IMMP2L: variants seen among roughly 807,000 people sequenced by gnomAD.
The protein encoded by IMMP2L is mitochondrial inner membrane protease subunit 2.
IMMP2L carries 18 observed loss-of-function variants against 19.3 expected under a neutral mutation model. The observed-to-expected ratio is 0.93, with a 90% CI of 0.64 to 1.38. IMMP2L has a LOEUF of 1.38. IMMP2L is among the 40% of genes most tolerant of loss of function. IMMP2L has a pLI of 0.00. For synonymous variants in IMMP2L, 76 were observed against 73.0 expected, an observed-to-expected ratio of 1.04 and a Z score of -0.21; for missense variants, 233 against 218.2, an observed-to-expected ratio of 1.07 and a Z score of -0.43.
At chr7:111,010,265 A>G (rs13227547) in intron 3 of IMMP2L, among the ~76,000 whole-genome samples, 1 of 152,188 alleles carries the variant, frequency 6.6e-6, no homozygotes, top group African/African-American at 2.4e-5. Context: ...GCTTTCATTA[A>G]CAAATGTTAA....
chr7:110,664,478 G>C (rs1791305994), intron 5 of IMMP2L, among the ~76,000 whole-genome samples: 1 of 152,164 alleles, frequency 6.6e-6, no homozygotes, highest in Admixed American at 6.5e-5. Flanking sequence ...GGAGAGCAGA[G>C]ATTGGCGAGG....
At chr7:111,048,183 T>G (rs1276812796) in intron 3 of IMMP2L, among the ~76,000 whole-genome samples, 1 of 125,466 alleles carries the variant, frequency 8.0e-6, no homozygotes, top group African/African-American at 3.2e-5. Context: ...GAGCTTGCAC[T>G]GAGCCGAGAT....
chr7:111,025,607 AT>A (rs1826726002), intron 3 of IMMP2L, among the ~76,000 whole-genome samples: 1 of 152,170 alleles, frequency 6.6e-6, no homozygotes, highest in Non-Finnish European at 1.5e-5. Context: ...TGTAGTTTTC[AT>A]TCCACCATGT....
chr7:111,119,958 G>C (rs1041136221), intron 3 of IMMP2L, among the ~76,000 whole-genome samples: 3 of 152,136 alleles, frequency 2.0e-5, no homozygotes, highest in Admixed American at 6.6e-5. Context: ...GGAGATTCTT[G>C]AACTGAGGTT....
Position 111,251,366 on chromosome 7 carries a change from C to G in IMMP2L, c.239+235872G>C, listed in dbSNP as rs1272337574. Among the ~76,000 whole-genome samples the G allele has an allele frequency of 2.0e-5, 3 of 151,990 alleles. No homozygotes were observed. In the East Asian group the frequency reaches 5.8e-4, roughly 29 times the overall value. ...CTCAAAGACCTAGAGGCAGAAATAC[C>G]ATTTGTACCATTTGACCCAGCAATC... On this transcript the variant is annotated intron_variant, in intron 3 of 5. Transcript: ENST00000405709.
At position 111,562,152 on chromosome 7, in the gene IMMP2L, T is replaced by G. The variant is rs1403712835; in HGVS notation, c.-304A>C. On this transcript the variant is annotated 5_prime_UTR_variant, in exon 1 of 6. Transcript: ENST00000405709. The stretch of plus-strand genomic sequence containing the variant: ...AGGAGCGGGCCAGCTCCGGGCCAGG[T>G]GTGCCGCCTGTGGCGCCGGTTTCTC... 6.6e-6 allele frequency: 1 copy of G among 152,514 alleles called. No individual in the cohort carries two copies. Among genetic ancestry groups the G allele is most frequent in the Non-Finnish European group, 1.5e-5 (1 of 68,370 alleles). 9.4% of individuals were successfully genotyped at this position (152,514 alleles called of 1,614,324 possible). A position where few individuals can be genotyped will look rare whatever the true frequency, so the allele number is the denominator to read the frequency against.
chr7:111,324,689 G>A (rs561189608), intron 3 of IMMP2L, among the ~76,000 whole-genome samples: 12 of 151,288 alleles, frequency 7.9e-5, no homozygotes, highest in African/African-American at 2.9e-4. Flanking sequence ...CTAACAAAGG[G>A]AAAAAAATAA....
At chr7:111,148,108 G>A (rs1423771428) in intron 3 of IMMP2L, among the ~76,000 whole-genome samples, 2 of 151,984 alleles carry the variant, frequency 1.3e-5, no homozygotes, top group Non-Finnish European at 2.9e-5. Flanking sequence ...AGCAGCCCAA[G>A]TTTTCATCAT....
chr7:110,879,163 G>A (rs554035204), intron 5 of IMMP2L, among the ~76,000 whole-genome samples: 1 of 152,200 alleles, frequency 6.6e-6, no homozygotes, highest in Admixed American at 6.6e-5. Context: ...GGCTGAGGTG[G>A]ATGGATCAAT....
At position 111,303,403 on chromosome 7, in the gene IMMP2L, T is replaced by C. The variant is rs375826253; in HGVS notation, c.239+183835A>G. Among the ~76,000 whole-genome samples, 34 of 152,196 alleles carry C rather than the reference T, an allele frequency of 2.2e-4. No homozygotes were observed. The South Asian group carries it at 7.0e-3, about 32-fold the overall frequency. On this transcript the variant is annotated intron_variant, in intron 3 of 5. Transcript: ENST00000405709. Reference sequence around the variant, plus strand: ...TAAAAGTTCAGTCTCATAAAGCAAATTTTTTGTTTGTTTACATATACTCAC... The same window carrying C: ...TAAAAGTTCAGTCTCATAAAGCAAACTTTTTGTTTGTTTACATATACTCAC...
chr7:111,255,986 G>T (rs1412256271), intron 3 of IMMP2L, among the ~76,000 whole-genome samples: 1 of 151,932 alleles, frequency 6.6e-6, no homozygotes, highest in Non-Finnish European at 1.5e-5. Context: ...ACTTTTCAAA[G>T]ATATTTAATG....
intron 5 of IMMP2L, among the ~76,000 whole-genome samples, chr7:110,701,332 TA>T (rs1308535053): frequency 6.6e-6 from 1 of 152,246 alleles, no homozygotes; most frequent in Non-Finnish European, 1.5e-5. Flanking sequence ...ATCTACCAAC[TA>T]TTTAGTGCTT....
chr7:110,716,543 C>A (rs1008390328), intron 5 of IMMP2L, among the ~76,000 whole-genome samples: 1 of 152,122 alleles, frequency 6.6e-6, no homozygotes, highest in Non-Finnish European at 1.5e-5. Flanking sequence ...GATTTTATTT[C>A]TTCTTCACTT....
intron 4 of IMMP2L, among the ~76,000 whole-genome samples, chr7:110,899,873 T>C (rs936861635): frequency 1.3e-4 from 20 of 152,200 alleles, no homozygotes; most frequent in African/African-American, 4.8e-4. Flanking sequence ...TTTGTTTATC[T>C]TTGTATGTTT....
intron 3 of IMMP2L, among the ~76,000 whole-genome samples, chr7:111,293,066 G>GAT (rs896769685): frequency 6.6e-6 from 1 of 151,946 alleles, no homozygotes; most frequent in African/African-American, 2.4e-5. Flanking sequence ...AAGGACATGA[G>GAT]ATATAAGCAA....
At chr7:111,033,599 G>A (rs571792221) in intron 3 of IMMP2L, among the ~76,000 whole-genome samples, 17 of 152,230 alleles carry the variant, frequency 1.1e-4, no homozygotes, top group Admixed American at 2.0e-4. Context: ...AACAAACTGT[G>A]ATACATCCAT....
chr7:110,780,440 T>C (rs1799659022), intron 5 of IMMP2L, among the ~76,000 whole-genome samples: 1 of 151,812 alleles, frequency 6.6e-6, no homozygotes, highest in Non-Finnish European at 1.5e-5. Flanking sequence ...TTTCTGCAAA[T>C]ATTCTAGAGC....
intron 3 of IMMP2L, among the ~76,000 whole-genome samples, chr7:111,183,025 T>C (rs1197420704): frequency 6.6e-6 from 1 of 152,044 alleles, no homozygotes. Flanking sequence ...AAAGTTTAAG[T>C]ATTATTTATA....
chr7:110,833,286 A>G (rs1179908305), intron 5 of IMMP2L, among the ~76,000 whole-genome samples: 3 of 151,884 alleles, frequency 2.0e-5, no homozygotes, highest in Non-Finnish European at 4.4e-5. Context: ...TAAAAATACA[A>G]AAAGTAGCAG....
Sources: allele counts gnomAD v4.1 joint callset (sites outside exome capture counted in the v4.1 genomes callset), GRCh38; gene constraint gnomAD v4.1.1; transcripts MANE v1.5; gene names NCBI Gene and HGNC (gene_info 2026-07-23, HGNC 2026-07-21).